The following CACNA1C variants were observed in gnomAD, a reference collection of about 807,000 sequenced individuals.
The protein encoded by CACNA1C is voltage-dependent L-type calcium channel subunit alpha-1C.
A neutral mutation model predicts 229.0 loss-of-function variants in CACNA1C; 30 were observed. That is an observed-to-expected ratio of 0.13 (90% CI 0.10 to 0.18). The LOEUF (loss-of-function observed/expected upper bound fraction) is 0.18. CACNA1C is among the 10% of genes least tolerant of loss of function. The pLI is 1.00. For missense variants in CACNA1C, 1,658 were observed against 2,845.0 expected, an observed-to-expected ratio of 0.58 and a Z score of 9.49; for synonymous variants, 1,114 against 1,132.5, an observed-to-expected ratio of 0.98 and a Z score of 0.33.
At chr12:2,544,677 C>A (rs574357248) in intron 9 of CACNA1C, among the ~76,000 whole-genome samples, 1 of 152,318 alleles carries the variant, frequency 6.6e-6, no homozygotes, top group Non-Finnish European at 1.5e-5. Context: ...TCAGCAAACT[C>A]TCGGAAAGCA....
chr12:2,564,539 A>T (rs868466021), intron 11 of CACNA1C, among the ~76,000 whole-genome samples: 25 of 152,144 alleles, frequency 1.6e-4, no homozygotes, highest in Non-Finnish European at 2.4e-4. Context: ...CAAGCCCTAC[A>T]GGTGCCCCAA....
chr12:2,357,971 A>C (rs1382737375), intron 3 of CACNA1C, among the ~76,000 whole-genome samples: 3 of 21,904 alleles, frequency 1.4e-4, no homozygotes, highest in Middle Eastern at 0.014. Context: ...ACTCAGTCTC[A>C]AAAAAAAAAA....
At chr12:2,687,118 G>A (rs980810074) in intron 45 of CACNA1C, among the ~76,000 whole-genome samples, 2 of 152,170 alleles carry the variant, frequency 1.3e-5, no homozygotes, top group Non-Finnish European at 2.9e-5. Context: ...CCTGTGTGGT[G>A]TTGTCTTCCA....
intron 3 of CACNA1C, among the ~76,000 whole-genome samples, chr12:2,360,509 C>A (rs2097532277): frequency 6.6e-6 from 1 of 152,210 alleles, no homozygotes; most frequent in South Asian, 2.1e-4. Context: ...TTTATCTGGA[C>A]TTCACCAGCA....
chr12:2,675,395 C>T (rs776704658), intron 39 of CACNA1C, among the ~76,000 whole-genome samples: 5 of 152,106 alleles, frequency 3.3e-5, no homozygotes, highest in Non-Finnish European at 7.4e-5. Flanking sequence ...ACTGTCAACA[C>T]TTTGATTTGC....
chr12:1,972,886 T>C (rs1002289093), intron 1 of CACNA1C, among the ~76,000 whole-genome samples: 1 of 152,080 alleles, frequency 6.6e-6, no homozygotes. Context: ...GGAATTAAGC[T>C]TTCTGGTAGT....
intron 1 of CACNA1C, among the ~76,000 whole-genome samples, chr12:2,015,718 A>G (rs1158467779): frequency 6.6e-6 from 1 of 152,222 alleles, no homozygotes; most frequent in Non-Finnish European, 1.5e-5. Flanking sequence ...AAGTGATTCA[A>G]ACAGCAGGCA....
At chr12:2,644,998 C>T (rs987438387) in intron 30 of CACNA1C, among the ~76,000 whole-genome samples, 3 of 152,152 alleles carry the variant, frequency 2.0e-5, no homozygotes, top group African/African-American at 7.2e-5. Flanking sequence ...GCCTCAGATA[C>T]GGAATAATAA....
rs564784096 is a variant in CACNA1C at position 2,436,961 on chromosome 12, C to A, written c.478-12015C>A. ...TGTCCTCATGGTCCCCAGATGGCTG[C>A]CACAGTTCCAGACTTCACATATAGA... is the stretch of plus-strand genomic sequence containing the variant. On this transcript the variant is annotated intron_variant, in intron 3 of 46. Transcript: ENST00000399655. Among the ~76,000 whole-genome samples, 4 of 152,330 alleles carry A rather than the reference C, an allele frequency of 2.6e-5. No homozygotes were observed. The East Asian group carries it at 7.7e-4, about 29-fold the overall frequency.
intron 1 of CACNA1C, among the ~76,000 whole-genome samples, chr12:2,037,347 C>A (rs1355160383): frequency 1.3e-5 from 2 of 152,218 alleles, no homozygotes; most frequent in Non-Finnish European, 2.9e-5. Context: ...TGTAGGATTT[C>A]TCTTGCCTTT....
chr12:2,050,594 C>T (rs573232803), upstream of CACNA1C, among the ~76,000 whole-genome samples: 11 of 152,216 alleles, frequency 7.2e-5, no homozygotes, highest in Admixed American at 2.6e-4. Context: ...AAAGTAAATG[C>T]GAAATATTTG....
At chr12:2,066,985 CA>C (rs2059480591) in intron 1 of CACNA1C, among the ~76,000 whole-genome samples, 1 of 152,026 alleles carries the variant, frequency 6.6e-6, no homozygotes, top group African/African-American at 2.4e-5. Context: ...ATGAGACACC[CA>C]AAGAAATCCA....
chr12:2,314,521 G>A (rs1300736304), intron 3 of CACNA1C, among the ~76,000 whole-genome samples: 1 of 152,028 alleles, frequency 6.6e-6, no homozygotes, highest in Non-Finnish European at 1.5e-5. Flanking sequence ...CCTTCCCCAG[G>A]AACCACTGCC....
chr12:2,352,280 A>G (rs74059838), intron 3 of CACNA1C, among the ~76,000 whole-genome samples: 9,014 of 152,242 alleles, frequency 0.059, 855 homozygotes, highest in African/African-American at 0.2. Context: ...TAGGCTGCCT[A>G]AGGTTGTCAG....
intron 3 of CACNA1C, among the ~76,000 whole-genome samples, chr12:2,399,850 G>A (rs1437688950): frequency 6.6e-6 from 1 of 152,146 alleles, no homozygotes; most frequent in African/African-American, 2.4e-5. Flanking sequence ...TACTCACAAT[G>A]ACCTCAGATC....
chr12:2,030,479 G>A (rs187073912), intron 1 of CACNA1C, among the ~76,000 whole-genome samples: 2 of 152,008 alleles, frequency 1.3e-5, no homozygotes, highest in Admixed American at 1.3e-4. Context: ...CCAAATCCCT[G>A]GTTTGTCTTT....
intron 1 of CACNA1C, among the ~76,000 whole-genome samples, chr12:2,031,092 T>A (rs903680239): frequency 1.3e-5 from 2 of 152,170 alleles, no homozygotes; most frequent in African/African-American, 2.4e-5. Flanking sequence ...TTTCCTAATG[T>A]GAGTTGCTGA....
rs887897607 is a variant in CACNA1C at position 2,575,420 on chromosome 12, G to A, written c.1896-6170G>A. ...CCTCCCAGCTCTATTGTGTCTTAAG[G>A]GGCTGGGGCTCAATTTGACGGAAGC... On this transcript the variant is annotated intron_variant, in intron 13 of 46. Coordinates refer to ENST00000399655, the MANE Select transcript of CACNA1C (RefSeq NM_000719.7). The surrounding 1 kb of genome is among the most constrained non-coding windows in gnomAD (Gnocchi z 4.0). Among the ~76,000 whole-genome samples, 2 of 152,012 alleles carry A rather than the reference G, an allele frequency of 1.3e-5. No individual in the cohort carries two copies. Among genetic ancestry groups the A allele is most frequent in the African/African-American group, 4.8e-5 (2 of 41,382 alleles).
chr12:2,419,738 T>C (rs536415203), intron 3 of CACNA1C, among the ~76,000 whole-genome samples: 48 of 152,226 alleles, frequency 3.2e-4, no homozygotes, highest in African/African-American at 1.1e-3. Flanking sequence ...CCTTGAGGAA[T>C]AGTGGTTGCA....
Sources: allele counts gnomAD v4.1 joint callset (sites outside exome capture counted in the v4.1 genomes callset), GRCh38; gene constraint gnomAD v4.1.1; non-coding constraint Gnocchi (gnomAD v3.1); transcripts MANE v1.5; gene names NCBI Gene and HGNC (gene_info 2026-07-23, HGNC 2026-07-21).